The following BAG4 variants were observed in gnomAD, a reference collection of about 807,000 sequenced individuals.
The protein encoded by BAG4 is BAG family molecular chaperone regulator 4.
A neutral mutation model predicts 52.1 loss-of-function variants in BAG4; 28 were observed. The ratio of observed to expected loss-of-function variants is 0.54; its 90% confidence interval spans 0.40 to 0.74. The LOEUF is 0.74. BAG4 is among the 30% of genes least tolerant of loss of function. The probability of loss-of-function intolerance (pLI) is 0.00; values close to 1 mark genes in which losing one functional copy is unlikely to be tolerated. For synonymous variants in BAG4, 208 were observed against 217.0 expected (o/e 0.96, Z 0.37); for missense variants, 525 against 572.0 (o/e 0.92, Z 0.84).
intron 4 of BAG4, 100 bp from the exon 5 acceptor site, chr8:38,209,908 G>A: frequency 7.6e-6 from 11 of 1,455,004 alleles, no homozygotes; most frequent in Non-Finnish European, 8.4e-6. Flanking sequence ...ATCTTTTCAT[G>A]TACCTTTCTG....
At chr8:38,185,345 GA>G (rs1172595757) in intron 1 of BAG4, among the ~76,000 whole-genome samples, 1 of 151,800 alleles carries the variant, frequency 6.6e-6, no homozygotes, top group Non-Finnish European at 1.5e-5. Flanking sequence ...TATTTTATAT[GA>G]AAAAAATCTT....
chr8:38,201,005 A>G (rs1168689077), intron 2 of BAG4, among the ~76,000 whole-genome samples: 1 of 152,244 alleles, frequency 6.6e-6, no homozygotes, highest in African/African-American at 2.4e-5. Context: ...GTCATGAATT[A>G]TAAGTTAATG....
At chr8:38,188,588 C>T (rs1010386310) in intron 1 of BAG4, among the ~76,000 whole-genome samples, 5 of 149,532 alleles carry the variant, frequency 3.3e-5, no homozygotes, top group Admixed American at 6.7e-5. Flanking sequence ...CGTGTATACA[C>T]ATATATATAT....
In BAG4 at chr8:38,212,421, A is replaced by G. The variant is rs1803880684; in HGVS notation, c.*1928A>G. ...CTTACAGAAGAGTTGTAAAAGTAGT[A>G]GAGTTCTTGTATACTCTGCACCCAC... is the stretch of plus-strand genomic sequence containing the variant. On this transcript the variant is annotated 3_prime_UTR_variant, in exon 5 of 5. Coordinates refer to ENST00000287322, the MANE Select transcript of BAG4 (RefSeq NM_004874.4). 1 of 152,226 alleles carries G rather than the reference A, an allele frequency of 6.6e-6. No individual in the cohort carries two copies. The highest frequency in any genetic ancestry group is 2.1e-4 in the South Asian group (1 of 4,836). 9.4% of individuals were successfully genotyped at this position (152,226 alleles called of 1,614,324 possible). A position where few individuals can be genotyped will look rare whatever the true frequency, so the allele number is the denominator to read the frequency against.
intron 1 of BAG4, among the ~76,000 whole-genome samples, chr8:38,181,557 T>A (rs1699981158): frequency 6.6e-6 from 1 of 151,450 alleles, no homozygotes; most frequent in Admixed American, 6.6e-5. Context: ...GCCAACGTGG[T>A]GAAACCCCGT....
At chr8:38,198,673 G>A (rs562772358) in intron 2 of BAG4, among the ~76,000 whole-genome samples, 2 of 151,592 alleles carry the variant, frequency 1.3e-5, no homozygotes, top group Non-Finnish European at 2.9e-5. Context: ...TATTTTTAGT[G>A]GAGATGGGTT....
intron 3 of BAG4, 131 bp from the exon 4 acceptor site, chr8:38,208,882 C>A: frequency 8.8e-7 from 1 of 1,133,814 alleles, no homozygotes; most frequent in Non-Finnish European, 1.2e-6. Flanking sequence ...AGATTTACTA[C>A]AGTTTAGTCC....
chr8:38,210,568 T>G lies in BAG4; in HGVS notation c.*75T>G. 6.8e-7 allele frequency: 1 copy of G among 1,478,526 alleles called. No individual in the cohort carries two copies. 91.6% of individuals were successfully genotyped at this position (1,478,526 alleles called of 1,614,324 possible). On this transcript the variant is annotated 3_prime_UTR_variant, in exon 5 of 5. Transcript: ENST00000287322. Reference sequence around the variant, plus strand: ...CTTGATTTGGTTAATTACCCTCTTTTTGAAATGCCTGTTGATGACAAGAAG... The same window carrying G: ...CTTGATTTGGTTAATTACCCTCTTTGTGAAATGCCTGTTGATGACAAGAAG...
chr8:38,196,644 C>CT (rs1195170265), intron 2 of BAG4, among the ~76,000 whole-genome samples: 1 of 151,632 alleles, frequency 6.6e-6, no homozygotes, highest in African/African-American at 2.4e-5. Flanking sequence ...GAGCGAGACT[C>CT]TGTCTCAAAA....
intron 2 of BAG4, among the ~76,000 whole-genome samples, chr8:38,195,664 T>C (rs1474449788): frequency 1.3e-5 from 2 of 152,158 alleles, no homozygotes; most frequent in Non-Finnish European, 2.9e-5. Context: ...AAAGATCATG[T>C]TAGTACTTAC....
intron 2 of BAG4, among the ~76,000 whole-genome samples, chr8:38,204,444 C>T (rs906550663): frequency 2.0e-5 from 3 of 151,424 alleles, no homozygotes; most frequent in African/African-American, 4.9e-5. Flanking sequence ...TGCTTGAGCC[C>T]GGAGTTTGAG....
intron 2 of BAG4, chr8:38,201,861 TATATATATATATATATATA>T (rs1245825994): frequency 0.04 from 365 of 9,070 alleles, 10 homozygotes; most frequent in Non-Finnish European, 0.056. Flanking sequence ...TATATATATA[TATATATATATATATATATA>T]TTTTTTTTTT....
At chr8:38,194,193 A>G (rs1803524954) in intron 2 of BAG4, among the ~76,000 whole-genome samples, 2 of 151,836 alleles carry the variant, frequency 1.3e-5, no homozygotes, top group African/African-American at 4.8e-5. Context: ...TTATTACCCC[A>G]TTTGTGTTTT....
At chr8:38,208,348 C>T (rs1343017895) in intron 3 of BAG4, among the ~76,000 whole-genome samples, 6 of 133,422 alleles carry the variant, frequency 4.5e-5, no homozygotes, top group Admixed American at 8.6e-5. Flanking sequence ...CTCGCTCTGT[C>T]GCCCAGGCTG....
At chr8:38,187,020 G>C (rs1803374561) in intron 1 of BAG4, among the ~76,000 whole-genome samples, 1 of 152,162 alleles carries the variant, frequency 6.6e-6, no homozygotes, top group South Asian at 2.1e-4. Context: ...AAAATGTCTA[G>C]TTTCCAACAA....
rs1161588689 is a variant in BAG4 at position 38,201,834 on chromosome 8, TTATATATATATATATATATA to T, written c.379-5650_379-5631del. The T allele has an allele frequency of 1.1e-3, 50 of 45,156 alleles. 2 individuals are homozygous for T. The highest frequency in any genetic ancestry group is 1.8e-3 in the African/African-American group (18 of 10,124). The allele number at this position is 45,156 out of a possible 1,614,324, so 2.8% of individuals were successfully genotyped here. A position where few individuals can be genotyped will look rare whatever the true frequency, so the allele number is the denominator to read the frequency against. ...CATGCATTTATTCTGAGTGTGGAATTTATATATATATATATATATATATATATATATATATATATATATAT... is the reference window on the plus strand; with the variant it reads ...CATGCATTTATTCTGAGTGTGGAATTTATATATATATATATATATATATAT... On this transcript the variant is annotated intron_variant, in intron 2 of 4. Transcript: ENST00000287322.
intron 2 of BAG4, among the ~76,000 whole-genome samples, chr8:38,193,966 T>C (rs2130675791): frequency 6.6e-6 from 1 of 152,266 alleles, no homozygotes; most frequent in Non-Finnish European, 1.5e-5. Flanking sequence ...CTCAATCTCT[T>C]GACCTGGTGA....
At chr8:38,200,844 T>C (rs1044417781) in intron 2 of BAG4, among the ~76,000 whole-genome samples, 4 of 152,156 alleles carry the variant, frequency 2.6e-5, no homozygotes, top group Non-Finnish European at 5.9e-5. Flanking sequence ...GTGATCCGCT[T>C]GCCTTGGCCT....
chr8:38,201,319 G>T (rs532540406), intron 2 of BAG4, among the ~76,000 whole-genome samples: 14 of 151,820 alleles, frequency 9.2e-5, no homozygotes, highest in Middle Eastern at 3.4e-3. Context: ...TCTTTTTTTT[G>T]TTTGTTTCTT....
Sources: allele counts gnomAD v4.1 joint callset (sites outside exome capture counted in the v4.1 genomes callset), GRCh38; gene constraint gnomAD v4.1.1; transcripts MANE v1.5; gene names NCBI Gene and HGNC (gene_info 2026-07-23, HGNC 2026-07-21).